The following ZFAND4 variants were observed in gnomAD, a reference collection of about 807,000 sequenced individuals.
The protein encoded by ZFAND4 is zinc finger AN1-type containing 4.
ZFAND4 carries 43 observed loss-of-function variants against 64.4 expected under a neutral mutation model. The observed-to-expected ratio is 0.67, with a 90% confidence interval of 0.52 to 0.86. The LOEUF (loss-of-function observed/expected upper bound fraction) is 0.86. Among genes scored for constraint, ZFAND4 ranks in the 40% least tolerant of loss-of-function variants. The pLI is 0.00. For missense variants in ZFAND4, 929 were observed against 859.8 expected (o/e 1.08, Z -1.01); for synonymous variants, 296 against 305.7 (o/e 0.97, Z 0.33).
At chr10:45,662,279 G>T (rs929060943) in intron 2 of ZFAND4, among the ~76,000 whole-genome samples, 3 of 152,124 alleles carry the variant, frequency 2.0e-5, no homozygotes, top group Non-Finnish European at 2.9e-5. Context: ...CAGAGACAAG[G>T]ACTCTATAAC....
rs186403197 is a variant in ZFAND4, at chr10:45,626,232, C to G, written c.1591G>C (p.Val531Leu). 19 of 1,614,178 alleles carry G rather than the reference C, an allele frequency of 1.2e-5. No individual in the cohort carries two copies. In the African/African-American group the frequency reaches 2.0e-4, roughly 17 times the overall value. ...TCAGATCTTTTCCCAAGTGAATCAA[C>G]TTTAACACCTTGAAAGCAAGTAGTC... ...SRTTCFQGVK[V>L]DSLGKRSDVI... is the part of the protein sequence containing the mutation. Residue 531 changes from valine to leucine, a missense_variant, in exon 7 of 10, where the codon GTT becomes CTT. Transcript: ENST00000344646.
intron 1 of ZFAND4, among the ~76,000 whole-genome samples, chr10:45,670,701 T>A (rs1002214452): frequency 1.3e-5 from 2 of 152,202 alleles, no homozygotes; most frequent in African/African-American, 4.8e-5. Flanking sequence ...ATTAAAGACT[T>A]AAATGTTAGA....
At chr10:45,651,801 C>T (rs189239624) in intron 4 of ZFAND4, among the ~76,000 whole-genome samples, 165 bp downstream of exon 4, 1 of 152,260 alleles carries the variant, frequency 6.6e-6, no homozygotes, top group Admixed American at 6.5e-5. Context: ...AGAGTTCCAG[C>T]CTCTAGGCAT....
intron 5 of ZFAND4, chr10:45,640,560 G>A (rs536396356): frequency 1.1e-4 from 56 of 520,482 alleles, no homozygotes; most frequent in South Asian, 1.5e-4. Context: ...GCACAATCTC[G>A]GCTCACTGCA....
chr10:45,665,131 T>C (rs761628601), intron 1 of ZFAND4, among the ~76,000 whole-genome samples: 6 of 152,164 alleles, frequency 3.9e-5, no homozygotes, highest in Admixed American at 2.0e-4. Context: ...AGCACAAAAA[T>C]GATCAAATTG....
rs1252610015 is a variant in ZFAND4 at position 45,616,030 on chromosome 10, A to T, written c.*406T>A. The T allele has an allele frequency of 6.5e-6, 1 of 154,050 alleles. No individual in the cohort carries two copies. The highest frequency in any genetic ancestry group is 2.4e-5 in the African/African-American group (1 of 41,502). The allele number at this position is 154,050 out of a possible 1,614,324, so 9.5% of individuals were successfully genotyped here. A position where few individuals can be genotyped will look rare whatever the true frequency, so the allele number is the denominator to read the frequency against. On this transcript the variant is annotated 3_prime_UTR_variant, in exon 10 of 10. Coordinates refer to ENST00000344646, the MANE Select transcript of ZFAND4 (RefSeq NM_174890.4). Reference sequence around the variant, plus strand: ...GAAGAATAAAAGAAAGAAAAAGAAAAAACCCATATGGTCAATCTGAGTAGA... The same window carrying T: ...GAAGAATAAAAGAAAGAAAAAGAAATAACCCATATGGTCAATCTGAGTAGA...
Position 45,626,213 on chromosome 10 carries a change from C to T in ZFAND4, c.1610G>A (p.Arg537Lys). 4 of 1,614,208 alleles carry T rather than the reference C, an allele frequency of 2.5e-6. No homozygotes were observed. The highest frequency in any genetic ancestry group is 3.4e-6 in the Non-Finnish European group (4 of 1,180,044). The part of the protein sequence containing the change: ...QGVKVDSLGK[R>K]SDVISKVEAR... Reference sequence around the variant, plus strand: ...CTCAACTTTGGAAATAACATCAGATCTTTTCCCAAGTGAATCAACTTTAAC... The same window carrying T: ...CTCAACTTTGGAAATAACATCAGATTTTTTCCCAAGTGAATCAACTTTAAC... Residue 537 changes from arginine to lysine, a missense_variant, in exon 7 of 10, where the codon AGA becomes AAA. Transcript: ENST00000344646.
chr10:45,618,018 T>C (rs990916225), intron 9 of ZFAND4, 122 bp downstream of exon 9: 45 of 1,009,330 alleles, frequency 4.5e-5, no homozygotes, highest in Admixed American at 3.1e-4. Context: ...CAACTGAAGA[T>C]AGCTATTGAA....
chr10:45,652,089 T>G (rs1241246496), intron 3 of ZFAND4, 56 bp from the exon 4 acceptor site: 1 of 1,558,160 alleles, frequency 6.4e-7, no homozygotes, highest in Admixed American at 1.7e-5. Context: ...TTCAGTTAAA[T>G]GTACACATAA....
chr10:45,671,688 G>C (rs757971860), intron 1 of ZFAND4, among the ~76,000 whole-genome samples: 1 of 152,148 alleles, frequency 6.6e-6, no homozygotes, highest in African/African-American at 2.4e-5. Context: ...GTCGTGGGGA[G>C]TGAGATGGGG....
chr10:45,618,184 A>G lies in ZFAND4; in HGVS notation c.2004T>C (p.Phe668=), dbSNP rs138249221. Reference sequence around the variant, plus strand: ...CCAGTCCTGTTTTCTTTCCACAAAGAAAACAATGATTTGTTGTTTTCTTCT... The same window carrying G: ...CCAGTCCTGTTTTCTTTCCACAAAGGAAACAATGATTTGTTGTTTTCTTCT... ...QTKKKTTNHC[F]LCGKKTGLAS... is the part of the protein sequence containing the mutation. Residue 668 remains phenylalanine (F), a synonymous_variant, in exon 9 of 10, where the codon TTT becomes TTC. Transcript: ENST00000344646. 1.9e-6 allele frequency: 3 copies of G among 1,613,764 alleles called. No homozygotes were observed. In the Admixed American group the frequency reaches 5.0e-5, roughly 27 times the overall value.
intron 1 of ZFAND4, among the ~76,000 whole-genome samples, chr10:45,665,574 AT>A (rs1380740320): frequency 1.3e-5 from 2 of 152,170 alleles, no homozygotes; most frequent in East Asian, 1.9e-4. Context: ...TTGAAATATA[AT>A]TCACATGCCA....
At chr10:45,635,989 A>G (rs966928605) in intron 6 of ZFAND4, among the ~76,000 whole-genome samples, 12 of 152,178 alleles carry the variant, frequency 7.9e-5, no homozygotes, top group Non-Finnish European at 1.3e-4. Context: ...ATATTGGAAA[A>G]GAAAAATATA....
At chr10:45,637,116 G>C (rs2046654919) in intron 6 of ZFAND4, among the ~76,000 whole-genome samples, 1 of 151,538 alleles carries the variant, frequency 6.6e-6, no homozygotes, top group Non-Finnish European at 1.5e-5. Flanking sequence ...CAAGGTGGGA[G>C]GACTACCTGA....
rs1243163467 is a variant in ZFAND4, at chr10:45,639,820, T to G, written c.713A>C (p.Lys238Thr). The G allele has an allele frequency of 6.2e-7, 1 of 1,609,608 alleles. No homozygotes were observed. Among genetic ancestry groups the G allele is most frequent in the Non-Finnish European group, 8.5e-7 (1 of 1,178,494 alleles). The change falls in exon 6 of 10, where the codon AAA becomes ACA. Residue 238 changes from lysine (K) to threonine (T), a missense_variant. By Grantham distance (78) the Lys-to-Thr change is moderately conservative. Transcript: ENST00000344646. ...GTCAAATGCCAACAGCTTCACCTTT[T>G]TGCTGAGATTCATGTTCTTCATCTT... ...KAKMKNMNLS[K>T]KPKKAVKIKP...
chr10:45,659,005 G>C (rs1243155321), intron 2 of ZFAND4, among the ~76,000 whole-genome samples: 1 of 152,198 alleles, frequency 6.6e-6, no homozygotes, highest in African/African-American at 2.4e-5. Context: ...GAGAGTCAGA[G>C]CCAAGATCCA....
chr10:45,626,229 C>T lies in ZFAND4; in HGVS notation c.1594G>A (p.Asp532Asn). 1 of 1,614,174 alleles carries T rather than the reference C, an allele frequency of 6.2e-7. No homozygotes were observed. Among genetic ancestry groups the T allele is most frequent in the Non-Finnish European group, 8.5e-7 (1 of 1,180,024 alleles). ...ACATCAGATCTTTTCCCAAGTGAAT[C>T]AACTTTAACACCTTGAAAGCAAGTA... is the stretch of plus-strand genomic sequence containing the variant. Reference protein sequence around the residue: ...RTTCFQGVKVDSLGKRSDVIS... With the variant: ...RTTCFQGVKVNSLGKRSDVIS... Residue 532 changes from aspartate (D) to asparagine (N), a missense_variant, in exon 7 of 10, where the codon GAT (aspartate) becomes AAT (asparagine). Physicochemically the swap from Asp to Asn is conservative, Grantham distance 23 (BLOSUM62 1). Transcript: ENST00000344646.
At position 45,616,330 on chromosome 10, in the gene ZFAND4, T is replaced by C; in HGVS notation, c.*106A>G. 6.9e-7 allele frequency: 1 copy of C among 1,440,710 alleles called. No homozygotes were observed. Among genetic ancestry groups the C allele is most frequent in the Non-Finnish European group, 9.4e-7 (1 of 1,063,710 alleles). 89.2% of individuals were successfully genotyped at this position (1,440,710 alleles called of 1,614,324 possible). A position where few individuals can be genotyped will look rare whatever the true frequency, so the allele number is the denominator to read the frequency against. On this transcript the variant is annotated 3_prime_UTR_variant, in exon 10 of 10. Transcript: ENST00000344646. ...AACAGTATGCATTGTATGCTTTTGT[T>C]ATTTGGCAAATCTTTTAGAGTCGAA...
intron 2 of ZFAND4, among the ~76,000 whole-genome samples, chr10:45,656,234 G>GA (rs1240318228): frequency 1.1e-5 from 1 of 90,320 alleles, no homozygotes; most frequent in African/African-American, 4.5e-5. Flanking sequence ...TTTCTAAAAA[G>GA]AAAAGAGAAG....
Sources: gnomAD v4.1 joint callset for allele counts (sites outside exome capture counted in the v4.1 genomes callset) on GRCh38, gnomAD v4.1.1 for gene constraint, MANE v1.5 for transcripts, NCBI Gene and HGNC (gene_info 2026-07-23, HGNC 2026-07-21) for gene names.